The following ARMC10 variants were observed in gnomAD, a reference collection of about 807,000 sequenced individuals.
ARMC10 encodes armadillo repeat-containing protein 10.
ARMC10 carries 23 observed loss-of-function variants against 30.2 expected under a neutral mutation model. That is an observed-to-expected ratio of 0.76 (90% confidence interval 0.55 to 1.08). The LOEUF (loss-of-function observed/expected upper bound fraction) is 1.08, where lower values mean the gene tolerates loss of function less well. Ranked by LOEUF, ARMC10 falls within the 50% of genes least tolerant of loss-of-function variation. ARMC10 has a pLI of 0.00. For missense variants in ARMC10, 303 were observed against 413.7 expected (o/e 0.73, Z 2.32); for synonymous variants, 111 against 164.4 (o/e 0.68, Z 2.48).
At chr7:103,092,068 C>T (rs1017935784) in intron 4 of ARMC10, among the ~76,000 whole-genome samples, 1 of 152,168 alleles carries the variant, frequency 6.6e-6, no homozygotes, top group African/African-American at 2.4e-5. Context: ...CACAGTGGCT[C>T]ACGCCTGTAA....
chr7:103,095,242 T>C (rs1265022734), intron 5 of ARMC10, among the ~76,000 whole-genome samples: 1 of 152,184 alleles, frequency 6.6e-6, no homozygotes, highest in Non-Finnish European at 1.5e-5. Flanking sequence ...TTTGGTCACA[T>C]GCCACCACGC....
chr7:103,098,652 AATATC>A lies in ARMC10; in HGVS notation c.*101_*105del. ...TCCCAGCTGCTAAATTTAAACAGTA[AATATC>A]ACATTTTGTCATTAACACAGCTATA... On this transcript the variant is annotated 3_prime_UTR_variant, in exon 7 of 7. Coordinates refer to ENST00000323716, the MANE Select transcript of ARMC10 (RefSeq NM_031905.5). 1 of 1,488,218 alleles carries A rather than the reference AATATC, an allele frequency of 6.7e-7. No homozygotes were observed. The highest frequency in any genetic ancestry group is 2.3e-5 in the East Asian group (1 of 43,254). The allele number at this position is 1,488,218 out of a possible 1,614,324, so 92.2% of individuals were successfully genotyped here.
chr7:103,077,432 T>C (rs774508646), intron 2 of ARMC10, among the ~76,000 whole-genome samples: 19 of 152,150 alleles, frequency 1.2e-4, no homozygotes, highest in Non-Finnish European at 1.5e-4. Context: ...AAGTCCAAGA[T>C]TGAGGGGCCG....
intron 2 of ARMC10, among the ~76,000 whole-genome samples, chr7:103,080,209 G>A (rs1249638987): frequency 6.6e-6 from 1 of 152,176 alleles, no homozygotes; most frequent in Non-Finnish European, 1.5e-5. Flanking sequence ...AATTTTTAGA[G>A]TTTTAAGTTT....
chr7:103,095,876 T>C (rs1288786701), intron 5 of ARMC10: 7 of 149,852 alleles, frequency 4.7e-5, no homozygotes, highest in Admixed American at 1.3e-4. Context: ...TAGGTGGGAA[T>C]TGAACAATGA....
chr7:103,075,454 G>T, intron 1 of ARMC10, 43 bp downstream of exon 1: 1 of 1,279,674 alleles, frequency 7.8e-7, no homozygotes, highest in Non-Finnish European at 9.9e-7. Flanking sequence ...GGACTGGGCA[G>T]GGGGGCTCCC....
At chr7:103,096,656 A>G (rs1351837953) in intron 5 of ARMC10, 1 of 152,928 alleles carries the variant, frequency 6.5e-6, no homozygotes, top group Non-Finnish European at 1.5e-5. Flanking sequence ...AGGCACAATC[A>G]TAGCTTACTA....
rs1483171824 is a variant in ARMC10, at chr7:103,087,094, C to T, written c.528+330C>T. 3.3e-5 allele frequency among the ~76,000 whole-genome samples: 5 copies of T among 152,282 alleles called. No individual in the cohort carries two copies. In the East Asian group the frequency reaches 9.6e-4, roughly 29 times the overall value. On this transcript the variant is annotated intron_variant, in intron 4 of 6. Coordinates refer to ENST00000323716, the MANE Select transcript of ARMC10 (RefSeq NM_031905.5). Reference sequence around the variant, plus strand: ...GGCTGAAAGTTGGGACAAGACTTTGCGCTAGAACTAGAACTAGTATTACAA... The same window carrying T: ...GGCTGAAAGTTGGGACAAGACTTTGTGCTAGAACTAGAACTAGTATTACAA...
Position 103,075,171 on chromosome 7 carries a change from G to T in ARMC10, c.-102G>T, listed in dbSNP as rs111229327. The T allele has an allele frequency of 0.012, 9,985 of 852,652 alleles. 79 individuals carry two copies. The highest frequency in any genetic ancestry group is 0.013 in the Non-Finnish European group (8,884 of 680,484). 52.8% of individuals were successfully genotyped at this position (852,652 alleles called of 1,614,324 possible). On this transcript the variant is annotated 5_prime_UTR_variant, in exon 1 of 7. Transcript: ENST00000323716. ...TTTCTCCACATCCAGGTCAGGTGGCGTTTGCTGTGGCGGCTAGGCCCGCGT... is the reference window on the plus strand; with the variant it reads ...TTTCTCCACATCCAGGTCAGGTGGCTTTTGCTGTGGCGGCTAGGCCCGCGT...
chr7:103,084,171 T>A, intron 3 of ARMC10: 1 of 540,502 alleles, frequency 1.9e-6, no homozygotes, highest in Non-Finnish European at 2.9e-6. Flanking sequence ...GTACATACTT[T>A]AAATTGTATA....
At chr7:103,096,341 A>G (rs553193665) in intron 5 of ARMC10, 17 of 152,178 alleles carry the variant, frequency 1.1e-4, no homozygotes, top group Non-Finnish European at 2.4e-4. Flanking sequence ...ATCTCAATCA[A>G]TCAACCGATC....
intron 2 of ARMC10, among the ~76,000 whole-genome samples, chr7:103,078,024 C>T (rs1161961445): frequency 6.6e-6 from 1 of 152,038 alleles, no homozygotes; most frequent in East Asian, 1.9e-4. Context: ...GAGACGGAGT[C>T]GCACTCTGTC....
intron 3 of ARMC10, among the ~76,000 whole-genome samples, chr7:103,085,158 A>AGAGTAG (rs61227561): frequency 0.88 from 132,969 of 151,776 alleles, 60,938 homozygotes; most frequent in East Asian, 1. Context: ...AGTTGTAGTC[A>AGAGTAG]GAGTAGGCCA....
intron 5 of ARMC10, among the ~76,000 whole-genome samples, chr7:103,094,674 T>C (rs1234976150): frequency 6.6e-6 from 1 of 152,132 alleles, no homozygotes; most frequent in Non-Finnish European, 1.5e-5. Context: ...CTAACACTTA[T>C]TCCTAGTGTT....
intron 2 of ARMC10, among the ~76,000 whole-genome samples, 175 bp from the exon 3 acceptor site, chr7:103,083,507 T>A (rs968508947): frequency 1.3e-5 from 2 of 152,082 alleles, no homozygotes; most frequent in African/African-American, 2.4e-5. Flanking sequence ...GGACCACAGG[T>A]CCTACCTACT....
intron 4 of ARMC10, among the ~76,000 whole-genome samples, chr7:103,091,685 T>C (rs1801344182): frequency 3.1e-5 from 1 of 31,784 alleles, no homozygotes; most frequent in African/African-American, 3.7e-5. Context: ...TGATACAAAA[T>C]GGCCTCACAT....
Position 103,075,215 on chromosome 7 carries a change from C to G in ARMC10, c.-58C>G, listed in dbSNP as rs905884137. The G allele has an allele frequency of 1.9e-4, 209 of 1,124,238 alleles. No individual in the cohort carries two copies. Among genetic ancestry groups the G allele is most frequent in the Non-Finnish European group, 2.1e-4 (195 of 918,492 alleles). 69.6% of individuals were successfully genotyped at this position (1,124,238 alleles called of 1,614,324 possible). A position where few individuals can be genotyped will look rare whatever the true frequency, so the allele number is the denominator to read the frequency against. On this transcript the variant is annotated 5_prime_UTR_variant, in exon 1 of 7. Coordinates refer to ENST00000323716, the MANE Select transcript of ARMC10 (RefSeq NM_031905.5). ...CCCGCGTGCGCTGGAGACCTCCGCG[C>G]TGGCCCCCGCGAGCCTCCTGCCCTG... is the stretch of plus-strand genomic sequence containing the variant.
intron 2 of ARMC10, chr7:103,082,031 G>C (rs1800427636): frequency 2.6e-6 from 1 of 381,544 alleles, no homozygotes; most frequent in African/African-American, 2.1e-5. Context: ...TAAAATAAGA[G>C]GTTTGGATGA....
intron 5 of ARMC10, among the ~76,000 whole-genome samples, chr7:103,095,153 T>G (rs1190546190): frequency 2.0e-5 from 3 of 152,244 alleles, no homozygotes; most frequent in Non-Finnish European, 4.4e-5. Context: ...CAGGCTAGAT[T>G]GCAGTGGCAT....
Sources: allele counts gnomAD v4.1 joint callset (sites outside exome capture counted in the v4.1 genomes callset), GRCh38; gene constraint gnomAD v4.1.1; transcripts MANE v1.5; gene names NCBI Gene and HGNC (gene_info 2026-07-23, HGNC 2026-07-21).